The following MBNL1 variants were observed in gnomAD, a reference collection of about 807,000 sequenced individuals.
MBNL1 encodes the protein muscleblind like splicing regulator 1.
A neutral mutation model predicts 42.2 loss-of-function variants in MBNL1; 8 were observed. The ratio of observed to expected loss-of-function variants is 0.19; its 90% confidence interval spans 0.11 to 0.34. The LOEUF is 0.34. Among genes scored for constraint, MBNL1 ranks in the 10% least tolerant of loss-of-function variants. The pLI is 1.00. For missense variants in MBNL1, 309 were observed against 495.3 expected (o/e 0.62, Z 3.57); for synonymous variants, 169 against 173.9 (o/e 0.97, Z 0.22).
intron 2 of MBNL1, among the ~76,000 whole-genome samples, chr3:152,306,165 C>T (rs1215715796): frequency 3.9e-5 from 6 of 152,090 alleles, no homozygotes; most frequent in Non-Finnish European, 5.9e-5. Context: ...CTATTGGTTC[C>T]GATCTTAAAT....
chr3:152,273,721 A>C (rs1475011389), intron 1 of MBNL1, among the ~76,000 whole-genome samples: 1 of 152,182 alleles, frequency 6.6e-6, no homozygotes, highest in Non-Finnish European at 1.5e-5. Context: ...CAAAAAGGTG[A>C]AGATGTTTCT....
At chr3:152,369,315 T>C (rs773376528) in intron 2 of MBNL1, among the ~76,000 whole-genome samples, 4 of 152,226 alleles carry the variant, frequency 2.6e-5, no homozygotes, top group Non-Finnish European at 4.4e-5. Flanking sequence ...ATTACGTTTA[T>C]TGATTTGCAT....
intron 4 of MBNL1, among the ~76,000 whole-genome samples, chr3:152,433,767 A>T (rs900245193): frequency 6.6e-6 from 1 of 151,248 alleles, no homozygotes; most frequent in Middle Eastern, 3.4e-3. Flanking sequence ...AAAAAAAAAA[A>T]GTTTTTTGCA....
Position 152,399,295 on chromosome 3 carries a change from T to C in MBNL1, c.175-15646T>C, listed in dbSNP as rs200898222. On this transcript the variant is annotated intron_variant, in intron 2 of 9. Transcript: ENST00000324210. ...CTTCTTCCTTCATCATTCTTCTTCCTTCCCTCCCCCTGCTCCTATTTCTTT... is the reference window on the plus strand; with the variant it reads ...CTTCTTCCTTCATCATTCTTCTTCCCTCCCTCCCCCTGCTCCTATTTCTTT... Among the ~76,000 whole-genome samples, 4 of 152,202 alleles carry C rather than the reference T, an allele frequency of 2.6e-5. No homozygotes were observed. In the East Asian group the frequency reaches 7.7e-4, roughly 29 times the overall value.
At chr3:152,394,745 C>T (rs970671466) in intron 2 of MBNL1, among the ~76,000 whole-genome samples, 2 of 152,174 alleles carry the variant, frequency 1.3e-5, no homozygotes, top group Non-Finnish European at 2.9e-5. Flanking sequence ...TAAACAGGGA[C>T]AGGTGTCAGA....
intron 1 of MBNL1, among the ~76,000 whole-genome samples, chr3:152,286,994 T>C (rs1368414365): frequency 1.3e-5 from 2 of 151,832 alleles, no homozygotes; most frequent in African/African-American, 4.8e-5. Context: ...CCGAGGCGGG[T>C]GGCTCACGAG....
At chr3:152,411,474 C>T (rs768296625) in intron 2 of MBNL1, among the ~76,000 whole-genome samples, 3 of 152,106 alleles carry the variant, frequency 2.0e-5, no homozygotes, top group African/African-American at 4.8e-5. Context: ...GAGCCCAGAT[C>T]GCGCCACTGC....
intron 2 of MBNL1, among the ~76,000 whole-genome samples, chr3:152,395,693 T>A (rs2097900117): frequency 6.6e-6 from 1 of 152,202 alleles, no homozygotes; most frequent in African/African-American, 2.4e-5. Context: ...ATTTTAGAGT[T>A]CTTAACCTGG....
At chr3:152,323,474 C>T (rs1156843788) in intron 2 of MBNL1, among the ~76,000 whole-genome samples, 1 of 152,084 alleles carries the variant, frequency 6.6e-6, no homozygotes, top group East Asian at 1.9e-4. Context: ...CACACACACA[C>T]ACACGTCATG....
intron 2 of MBNL1, among the ~76,000 whole-genome samples, chr3:152,342,553 A>ACACAC (rs2093487252): frequency 6.8e-6 from 1 of 146,000 alleles, no homozygotes; most frequent in Non-Finnish European, 1.5e-5. Context: ...AACTAAACAA[A>ACACAC]ACACACACAC....
chr3:152,362,459 C>A (rs1404807262), intron 2 of MBNL1, among the ~76,000 whole-genome samples: 1 of 152,178 alleles, frequency 6.6e-6, no homozygotes, highest in African/African-American at 2.4e-5. Flanking sequence ...TAGCATAGTT[C>A]ATACTCGAAG....
upstream of MBNL1, chr3:152,263,932 C>G (rs1261229597): frequency 1.3e-5 from 2 of 151,754 alleles, no homozygotes; most frequent in African/African-American, 4.8e-5. Context: ...TACCATGAAC[C>G]CTGGCCTTAG....
rs2059918691 is a variant in MBNL1 at position 152,299,413 on chromosome 3, TAAG to T, written c.-777_-775del. 3.1e-6 allele frequency: 1 copy of T among 326,448 alleles called. No individual in the cohort carries two copies. The highest frequency in any genetic ancestry group is 5.5e-6 in the Non-Finnish European group (1 of 180,722). The allele number at this position is 326,448 out of a possible 1,614,324, so 20.2% of individuals were successfully genotyped here. ...ATCTCTTTTTTCTACAGGTTGGTACTAAGAAGTGCCTTTCCTGACGTCTCTGCT... is the reference window on the plus strand; with the variant it reads ...ATCTCTTTTTTCTACAGGTTGGTACTAAGTGCCTTTCCTGACGTCTCTGCT... On this transcript the variant is annotated 5_prime_UTR_variant, in exon 2 of 10. Coordinates refer to ENST00000324210, the MANE Select transcript of MBNL1 (RefSeq NM_021038.5).
intron 1 of MBNL1, among the ~76,000 whole-genome samples, chr3:152,289,766 TA>T (rs954797578): frequency 6.6e-6 from 1 of 152,118 alleles, no homozygotes; most frequent in Non-Finnish European, 1.5e-5. Context: ...ATTGTAATGT[TA>T]AAGTGTGTAG....
At chr3:152,376,278 A>T (rs1319072638) in intron 2 of MBNL1, among the ~76,000 whole-genome samples, 1 of 152,234 alleles carries the variant, frequency 6.6e-6, no homozygotes, top group African/African-American at 2.4e-5. Context: ...ATATTTTGTT[A>T]ACTTTTTCGG....
chr3:152,269,492 C>G (rs539415262), intron 1 of MBNL1: 26 of 454,960 alleles, frequency 5.7e-5, no homozygotes, highest in South Asian at 4.0e-4. Context: ...GCGGGTCTTC[C>G]CGGCGGCTCC....
intron 3 of MBNL1, among the ~76,000 whole-genome samples, chr3:152,428,394 G>A (rs2098963948): frequency 6.6e-6 from 1 of 152,164 alleles, no homozygotes; most frequent in Admixed American, 6.5e-5. Context: ...GGTATATGCT[G>A]ATTCGAGTAA....
intron 2 of MBNL1, among the ~76,000 whole-genome samples, chr3:152,329,521 C>T (rs1200961187): frequency 6.6e-6 from 1 of 151,192 alleles, no homozygotes; most frequent in African/African-American, 2.4e-5. Context: ...TGGTGGTGAG[C>T]ACCTGTAGTC....
chr3:152,264,766 CT>C (rs35288525), upstream of MBNL1: 1 of 152,128 alleles, frequency 6.6e-6, no homozygotes, highest in East Asian at 1.9e-4. Context: ...ACAGATTCAA[CT>C]TTTAGGTAAA....
Sources: allele counts gnomAD v4.1 joint callset (sites outside exome capture counted in the v4.1 genomes callset), GRCh38; gene constraint gnomAD v4.1.1; transcripts MANE v1.5; gene names NCBI Gene and HGNC (gene_info 2026-07-23, HGNC 2026-07-21).